FRMD4A: variants seen among roughly 807,000 people sequenced by gnomAD.
The protein encoded by FRMD4A is FERM domain containing 4A.
A neutral mutation model predicts 129.1 loss-of-function variants in FRMD4A; 29 were observed. The observed-to-expected ratio is 0.22, with a 90% CI of 0.17 to 0.31. FRMD4A has a LOEUF of 0.31. Ranked by LOEUF, FRMD4A falls within the 10% of genes least tolerant of loss-of-function variation. The pLI, the probability that FRMD4A is intolerant of heterozygous loss-of-function variation, is 1.00. For synonymous variants in FRMD4A, 634 were observed against 571.6 expected, an observed-to-expected ratio of 1.11 and a Z score of -1.56; for missense variants, 1,272 against 1,375.8, an observed-to-expected ratio of 0.92 and a Z score of 1.19.
At chr10:13,762,546 G>C in intron 7 of FRMD4A, 78 bp downstream of exon 7, 1 of 821,610 alleles carries the variant, frequency 1.2e-6, no homozygotes, top group Non-Finnish European at 2.1e-6. Context: ...TACAGCTACT[G>C]GCTATGCCTG....
chr10:14,096,694 C>G (rs966436561), intron 2 of FRMD4A, among the ~76,000 whole-genome samples: 2 of 152,196 alleles, frequency 1.3e-5, no homozygotes, highest in Non-Finnish European at 2.9e-5. Flanking sequence ...GTGGGCAGAT[C>G]TGAACTCTGC....
chr10:13,654,416 C>T lies in FRMD4A; in HGVS notation c.3050G>A (p.Gly1017Glu). 1.3e-6 allele frequency: 2 copies of T among 1,591,030 alleles called. No homozygotes were observed. The highest frequency in any genetic ancestry group is 1.7e-6 in the Non-Finnish European group (2 of 1,158,924). Residue 1017 changes from glycine to glutamate, a missense_variant and splice_region_variant, in exon 23 of 25, where the codon GGA becomes GAA. This residue lies in a region of FRMD4A where 972 missense variants were observed against 892.3 expected (regional missense o/e 1.09). Coordinates refer to ENST00000357447, the MANE Select transcript of FRMD4A (RefSeq NM_018027.5). Reference sequence around the variant, plus strand: ...TGAAGAACATAGAAGGAGAACTCACCCAGTCTGCCAGGTTAGGATGTGGTG... The same window carrying T: ...TGAAGAACATAGAAGGAGAACTCACTCAGTCTGCCAGGTTAGGATGTGGTG... The part of the protein sequence containing the change: ...SPHHILTWQT[G>E]EATENSPILD...
intron 2 of FRMD4A, among the ~76,000 whole-genome samples, chr10:14,292,893 A>G (rs1414649572): frequency 6.6e-6 from 1 of 152,238 alleles, no homozygotes; most frequent in African/African-American, 2.4e-5. Context: ...AATCCATTAA[A>G]GAAGATTTGT....
intron 2 of FRMD4A, among the ~76,000 whole-genome samples, chr10:14,177,436 G>A (rs1841770490): frequency 2.0e-5 from 3 of 152,034 alleles, no homozygotes; most frequent in South Asian, 2.1e-4. Context: ...GCCTCCCAAA[G>A]TGCTGGGATT....
intron 2 of FRMD4A, among the ~76,000 whole-genome samples, chr10:13,877,532 C>T (rs546744919): frequency 6.6e-6 from 1 of 152,322 alleles, no homozygotes; most frequent in African/African-American, 2.4e-5. Flanking sequence ...AAGTCCCCAA[C>T]CCTCCCCATT....
intron 2 of FRMD4A, among the ~76,000 whole-genome samples, chr10:13,888,306 C>T (rs1353883863): frequency 6.6e-6 from 1 of 152,226 alleles, no homozygotes; most frequent in African/African-American, 2.4e-5. Context: ...TACATACCCT[C>T]CACAATTGAT....
chr10:13,762,821 C>T, intron 6 of FRMD4A, 141 bp from the exon 7 acceptor site: 2 of 630,656 alleles, frequency 3.2e-6, no homozygotes, highest in East Asian at 2.8e-5. Flanking sequence ...TAATGAGATG[C>T]TGCCTCTACA....
At chr10:14,053,363 T>C (rs1444714502) in intron 2 of FRMD4A, among the ~76,000 whole-genome samples, 1 of 152,114 alleles carries the variant, frequency 6.6e-6, no homozygotes, top group East Asian at 1.9e-4. Context: ...TCTCACAACA[T>C]GAGGATTACG....
chr10:14,016,855 G>T (rs1259736317), intron 2 of FRMD4A, among the ~76,000 whole-genome samples: 2 of 152,236 alleles, frequency 1.3e-5, no homozygotes, highest in Admixed American at 6.5e-5. Context: ...AATGACCCAT[G>T]TGGAAGATTT....
At chr10:14,184,125 CTTTTTTTTTTT>C (rs58858936) in intron 2 of FRMD4A, among the ~76,000 whole-genome samples, 1 of 64,640 alleles carries the variant, frequency 1.5e-5, no homozygotes, top group East Asian at 4.5e-4. Flanking sequence ...CTTTTCTTTT[CTTTTTTTTTTT>C]TTTTTTTTTT....
chr10:13,662,109 C>G (rs1340847210), intron 19 of FRMD4A, among the ~76,000 whole-genome samples: 2 of 152,186 alleles, frequency 1.3e-5, no homozygotes, highest in Non-Finnish European at 2.9e-5. Flanking sequence ...CCAGGCACCC[C>G]TCTACTACCA....
At chr10:13,680,500 G>T (rs7913653) in intron 15 of FRMD4A, among the ~76,000 whole-genome samples, 1 of 151,714 alleles carries the variant, frequency 6.6e-6, no homozygotes, top group East Asian at 1.9e-4. Context: ...GGCCGAGGTG[G>T]GCAGATCAGG....
Position 13,718,031 on chromosome 10 carries a change from G to C in FRMD4A, c.760-10918C>G, listed in dbSNP as rs571590003. ...AAACCAGCAAGGGCTTTGGCGTTTGGGAATAATTATTTAACAGCAGCTTGT... is the reference window on the plus strand; with the variant it reads ...AAACCAGCAAGGGCTTTGGCGTTTGCGAATAATTATTTAACAGCAGCTTGT... On this transcript the variant is annotated intron_variant, in intron 12 of 24. Transcript: ENST00000357447. Among the ~76,000 whole-genome samples, 6 of 152,332 alleles carry C rather than the reference G, an allele frequency of 3.9e-5. No individual in the cohort carries two copies. The South Asian group carries it at 6.2e-4, about 16-fold the overall frequency.
At chr10:14,041,966 C>T (rs1398491669) in intron 2 of FRMD4A, among the ~76,000 whole-genome samples, 1 of 152,164 alleles carries the variant, frequency 6.6e-6, no homozygotes, top group Non-Finnish European at 1.5e-5. Context: ...GCTGGTGATG[C>T]TCTACTGCAA....
intron 19 of FRMD4A, among the ~76,000 whole-genome samples, chr10:13,661,060 G>A (rs1279836789): frequency 6.6e-6 from 1 of 152,154 alleles, no homozygotes; most frequent in Non-Finnish European, 1.5e-5. Flanking sequence ...GGGTCTATAT[G>A]TCCATTGTAA....
chr10:14,191,703 G>A, intron 2 of FRMD4A, among the ~76,000 whole-genome samples: 1 of 151,914 alleles, frequency 6.6e-6, no homozygotes, highest in East Asian at 1.9e-4. Flanking sequence ...TTTTTAGAAT[G>A]TGTGACATTT....
At chr10:13,961,498 T>C (rs2095445370) in intron 2 of FRMD4A, among the ~76,000 whole-genome samples, 1 of 152,220 alleles carries the variant, frequency 6.6e-6, no homozygotes, top group South Asian at 2.1e-4. Flanking sequence ...ACGATGCTTA[T>C]TAAATAAGGC....
intron 2 of FRMD4A, among the ~76,000 whole-genome samples, chr10:14,198,739 C>T (rs754682677): frequency 2.6e-5 from 4 of 152,154 alleles, no homozygotes; most frequent in East Asian, 1.9e-4. Flanking sequence ...ATCCACGGTG[C>T]GTTATCTTAT....
In FRMD4A at chr10:14,098,579, A is replaced by G. The variant is rs371684435; in HGVS notation, c.45+231479T>C. Among the ~76,000 whole-genome samples the G allele has an allele frequency of 6.6e-5, 10 of 151,530 alleles. No homozygotes were observed. The East Asian group carries it at 1.4e-3, about 20-fold the overall frequency. ...CCAGCATGCCCGGCTAATTTTTTGT[A>G]TTTTTGTTTTAGTAGAGACGTGGTT... On this transcript the variant is annotated intron_variant, in intron 2 of 24. Coordinates refer to ENST00000357447, the MANE Select transcript of FRMD4A (RefSeq NM_018027.5).
Sources: allele counts gnomAD v4.1 joint callset (sites outside exome capture counted in the v4.1 genomes callset), GRCh38; gene constraint gnomAD v4.1.1; regional missense constraint gnomAD v4.1.1; transcripts MANE v1.5; gene names NCBI Gene and HGNC (gene_info 2026-07-23, HGNC 2026-07-21).